The following PABPC1L variants were observed in gnomAD, a reference collection of about 807,000 sequenced individuals.
The protein encoded by PABPC1L is polyadenylate-binding protein 1-like.
In PABPC1L, 31 loss-of-function variants were observed where a neutral mutation model predicts 66.6. That is an observed-to-expected ratio of 0.47 (90% CI 0.35 to 0.63). The LOEUF (loss-of-function observed/expected upper bound fraction) is 0.63. Ranked by LOEUF, PABPC1L falls within the 20% of genes least tolerant of loss-of-function variation. The probability of loss-of-function intolerance (pLI) is 0.00; values close to 1 mark genes in which losing one functional copy is unlikely to be tolerated. For missense variants in PABPC1L, 722 were observed against 848.8 expected (o/e 0.85, Z 1.86); for synonymous variants, 348 against 335.1 (o/e 1.04, Z -0.42).
rs368676802 is a variant in PABPC1L, at chr20:44,935,436, G to A, written c.1505G>A (p.Cys502Tyr). 11 of 1,614,192 alleles carry A rather than the reference G, an allele frequency of 6.8e-6. No individual in the cohort carries two copies. Among genetic ancestry groups the A allele is most frequent in the Non-Finnish European group, 9.3e-6 (11 of 1,180,034 alleles). The change falls in exon 11 of 15, where the codon TGT becomes TAT. Residue 502 changes from cysteine to tyrosine, a missense_variant. By Grantham distance (194) the Cys-to-Tyr change is radical. Coordinates refer to ENST00000217073, the MANE Select transcript of PABPC1L (RefSeq NM_001372179.1). ...QTTGPSGVGCCTPGRPLLPCK... is the reference protein window; with the variant it reads ...QTTGPSGVGCYTPGRPLLPCK... ...ACAGGACCCAGTGGGGTAGGATGCT[G>A]TACACCAGGCCGGCCGCTCCTGCCG...
intron 3 of PABPC1L, among the ~76,000 whole-genome samples, chr20:44,918,244 C>G (rs572954548): frequency 6.6e-6 from 1 of 152,150 alleles, no homozygotes; most frequent in Non-Finnish European, 1.5e-5. Context: ...GCAGGAGAAT[C>G]GCTTGAACCC....
chr20:44,930,871 A>C, intron 8 of PABPC1L, 145 bp downstream of exon 8: 1 of 1,141,810 alleles, frequency 8.8e-7, no homozygotes, highest in Non-Finnish European at 1.2e-6. Flanking sequence ...CCCTCTCTAT[A>C]AAAGGGAGAG....
At chr20:44,934,278 G>T (rs2066884093) in intron 10 of PABPC1L, among the ~76,000 whole-genome samples, 4 of 152,190 alleles carry the variant, frequency 2.6e-5, no homozygotes, top group Admixed American at 2.6e-4. Flanking sequence ...GCCTTAGGTT[G>T]CTGCCAGGCC....
At chr20:44,911,786 C>G (rs1048610697) in intron 1 of PABPC1L, among the ~76,000 whole-genome samples, 7 of 152,212 alleles carry the variant, frequency 4.6e-5, no homozygotes, top group African/African-American at 1.7e-4. Context: ...GCCTGGAAAC[C>G]GTGCTGCAGA....
chr20:44,920,362 G>A (rs1196849074), intron 5 of PABPC1L, among the ~76,000 whole-genome samples: 3 of 152,056 alleles, frequency 2.0e-5, no homozygotes, highest in Non-Finnish European at 4.4e-5. Context: ...TTGCTCCATA[G>A]TTTTGCCTTT....
chr20:44,914,398 CG>C (rs568396896), intron 2 of PABPC1L, among the ~76,000 whole-genome samples: 48 of 152,036 alleles, frequency 3.2e-4, no homozygotes, highest in African/African-American at 1.1e-3. Context: ...TTAGTAGAGA[CG>C]GGGTTTCACC....
At chr20:44,925,007 A>G (rs555418026) in intron 7 of PABPC1L, among the ~76,000 whole-genome samples, 2 of 145,848 alleles carry the variant, frequency 1.4e-5, no homozygotes, top group South Asian at 2.1e-4. Context: ...AGGTCAGGAG[A>G]TCGAGACCAT....
chr20:44,927,981 A>G (rs1465950087), intron 7 of PABPC1L, among the ~76,000 whole-genome samples: 1 of 151,746 alleles, frequency 6.6e-6, no homozygotes, highest in Non-Finnish European at 1.5e-5. Context: ...TGCATAAAAT[A>G]AGATTCTTAG....
chr20:44,928,348 C>G (rs1051406000), intron 7 of PABPC1L, among the ~76,000 whole-genome samples: 1 of 152,206 alleles, frequency 6.6e-6, no homozygotes, highest in Non-Finnish European at 1.5e-5. Flanking sequence ...GCTGGGATTA[C>G]AGGCATAAGC....
At chr20:44,915,522 G>A (rs1473985082) in intron 2 of PABPC1L, among the ~76,000 whole-genome samples, 1 of 152,148 alleles carries the variant, frequency 6.6e-6, no homozygotes, top group Non-Finnish European at 1.5e-5. Context: ...TTGAGGCGGG[G>A]TGCAGTGGCT....
At chr20:44,921,404 A>T (rs2425686) in intron 5 of PABPC1L, among the ~76,000 whole-genome samples, 190 bp from the exon 6 acceptor site, 64,012 of 151,896 alleles carry the variant, frequency 0.42, 14,115 homozygotes, top group African/African-American at 0.55. Context: ...CCCCTCGGCC[A>T]CCCAAAGTGC....
chr20:44,932,663 C>T, intron 9 of PABPC1L: 2 of 517,882 alleles, frequency 3.9e-6, no homozygotes, highest in Admixed American at 3.3e-5. Flanking sequence ...GCAGTCATCA[C>T]CAAAGATGCC....
chr20:44,914,080 G>GCA (rs1363160132), intron 2 of PABPC1L, among the ~76,000 whole-genome samples: 1 of 152,130 alleles, frequency 6.6e-6, no homozygotes, highest in Admixed American at 6.6e-5. Context: ...TGGAACAGAG[G>GCA]GCTTAAACCT....
At chr20:44,934,641 T>C (rs1287043840) in intron 10 of PABPC1L, among the ~76,000 whole-genome samples, 1 of 152,270 alleles carries the variant, frequency 6.6e-6, no homozygotes, top group Non-Finnish European at 1.5e-5. Flanking sequence ...ATCTATGTTG[T>C]GGCGTGTGTC....
At position 44,938,760 on chromosome 20, in the gene PABPC1L, G is replaced by T. The variant is rs763241280; in HGVS notation, c.*6+12G>T. The T allele has an allele frequency of 1.9e-6, 3 of 1,606,630 alleles. No homozygotes were observed. The East Asian group carries it at 6.7e-5, about 36-fold the overall frequency. ...TGCACTGAAACCAGGTGGGTGGAAT[G>T]GTGACAGAAGCAGCTGAGCCCGGGA... On this transcript the variant is annotated intron_variant, in intron 14 of 14. Coordinates refer to ENST00000217073, the MANE Select transcript of PABPC1L (RefSeq NM_001372179.1).
At chr20:44,910,474 T>C (rs2066696745) in intron 1 of PABPC1L, 138 bp downstream of exon 1, 2 of 1,008,946 alleles carry the variant, frequency 2.0e-6, no homozygotes, top group Non-Finnish European at 2.8e-6. Context: ...TAACAGGGCG[T>C]TGGCAGAGGC....
rs765797855 is a variant in PABPC1L at position 44,938,097 on chromosome 20, C to T, written c.1697C>T (p.Thr566Ile). ...RLYPLIHDVH[T>I]QLAGKITGML... Reference sequence around the variant, plus strand: ...TACCCCCTTATCCATGATGTCCACACCCAGCTGGCTGGCAAGATCACGGGC... The same window carrying T: ...TACCCCCTTATCCATGATGTCCACATCCAGCTGGCTGGCAAGATCACGGGC... Residue 566 changes from threonine (T) to isoleucine (I), a missense_variant, in exon 13 of 15, where the codon ACC becomes ATC. Coordinates refer to ENST00000217073, the MANE Select transcript of PABPC1L (RefSeq NM_001372179.1). 3 of 1,614,200 alleles carry T rather than the reference C, an allele frequency of 1.9e-6. No individual in the cohort carries two copies. Among genetic ancestry groups the T allele is most frequent in the Non-Finnish European group, 2.5e-6 (3 of 1,180,032 alleles).
chr20:44,934,997 G>C (rs907295372), intron 10 of PABPC1L, among the ~76,000 whole-genome samples: 2 of 152,084 alleles, frequency 1.3e-5, no homozygotes, highest in Non-Finnish European at 2.9e-5. Context: ...GAACCCAGGA[G>C]GGGGAGGTTG....
chr20:44,929,768 C>A (rs981249807), intron 7 of PABPC1L, among the ~76,000 whole-genome samples: 1 of 149,842 alleles, frequency 6.7e-6, no homozygotes. Flanking sequence ...CCACTCTAGC[C>A]TGAGTGACAG....
Sources: allele counts gnomAD v4.1 joint callset (sites outside exome capture counted in the v4.1 genomes callset), GRCh38; gene constraint gnomAD v4.1.1; transcripts MANE v1.5; gene names NCBI Gene and HGNC (gene_info 2026-07-23, HGNC 2026-07-21).